The following KHDRBS2 variants were observed in gnomAD, a reference collection of about 807,000 sequenced individuals.
The protein encoded by KHDRBS2 is KH RNA binding domain containing, signal transduction associated 2.
Under a neutral mutation model 44.3 loss-of-function variants are expected in KHDRBS2, and 26 were observed. That is an observed-to-expected ratio of 0.59 (90% confidence interval 0.43 to 0.81). The LOEUF (loss-of-function observed/expected upper bound fraction) is 0.81. Among genes scored for constraint, KHDRBS2 ranks in the 40% least tolerant of loss-of-function variants. KHDRBS2 has a pLI of 0.00. For missense variants in KHDRBS2, 476 were observed against 433.1 expected (o/e 1.10, Z -0.88); for synonymous variants, 194 against 151.1 (o/e 1.28, Z -2.08).
intron 6 of KHDRBS2, among the ~76,000 whole-genome samples, chr6:61,779,818 A>G (rs1049145104): frequency 6.6e-6 from 1 of 152,162 alleles, no homozygotes; most frequent in Non-Finnish European, 1.5e-5. Flanking sequence ...CATTGATAAA[A>G]TAAGGCATAA....
chr6:61,545,012 A>G, the KHDRBS2 span, among the ~76,000 whole-genome samples: 2 of 152,052 alleles, frequency 1.3e-5, no homozygotes, highest in East Asian at 1.9e-4. Context: ...GCACACCAAC[A>G]TGGCACATGT....
chr6:62,121,887 C>T (rs1238355867), intron 2 of KHDRBS2, among the ~76,000 whole-genome samples: 1 of 152,026 alleles, frequency 6.6e-6, no homozygotes, highest in Non-Finnish European at 1.5e-5. Flanking sequence ...TTCTAGGGGT[C>T]CAGTGATGAG....
intron 2 of KHDRBS2, among the ~76,000 whole-genome samples, chr6:62,096,553 G>T (rs1800645238): frequency 6.6e-6 from 1 of 151,716 alleles, no homozygotes; most frequent in African/African-American, 2.4e-5. Flanking sequence ...TATTTCTAAG[G>T]TGTCAGTTTT....
intron 6 of KHDRBS2, among the ~76,000 whole-genome samples, chr6:61,774,929 A>G (rs1171366245): frequency 6.6e-6 from 1 of 152,132 alleles, no homozygotes; most frequent in African/African-American, 2.4e-5. Context: ...AGCACATCAA[A>G]AGGCTCATCC....
intron 6 of KHDRBS2, among the ~76,000 whole-genome samples, chr6:61,800,163 C>A (rs780808568): frequency 6.6e-6 from 1 of 152,054 alleles, no homozygotes. Flanking sequence ...AGCTAAGAAT[C>A]ATAGTTCTTG....
At chr6:61,674,369 C>T in the KHDRBS2 span, among the ~76,000 whole-genome samples, 1 of 151,710 alleles carries the variant, frequency 6.6e-6, no homozygotes, top group Non-Finnish European at 1.5e-5. Flanking sequence ...TTAGAAAACT[C>T]CACAGTATTT....
chr6:61,944,961 C>T (rs1812895887), intron 4 of KHDRBS2, among the ~76,000 whole-genome samples: 1 of 150,798 alleles, frequency 6.6e-6, no homozygotes, highest in Admixed American at 6.6e-5. Flanking sequence ...TGTGGTGACA[C>T]TTGCCTGTAA....
the KHDRBS2 span, among the ~76,000 whole-genome samples, chr6:61,640,331 A>G: frequency 3.9e-5 from 6 of 152,124 alleles, no homozygotes; most frequent in African/African-American, 1.4e-4. Context: ...TACATAAAGT[A>G]AAATGCCGTA....
At chr6:61,933,316 G>A (rs551135211) in intron 4 of KHDRBS2, among the ~76,000 whole-genome samples, 2 of 152,206 alleles carry the variant, frequency 1.3e-5, no homozygotes, top group Non-Finnish European at 2.9e-5. Flanking sequence ...CCAACACTGA[G>A]GATTACAATT....
chr6:61,559,589 A>G, the KHDRBS2 span, among the ~76,000 whole-genome samples: 1 of 151,980 alleles, frequency 6.6e-6, no homozygotes, highest in Non-Finnish European at 1.5e-5. Flanking sequence ...ATGTTTTTTC[A>G]TTTGAAGTAA....
intron 6 of KHDRBS2, among the ~76,000 whole-genome samples, chr6:61,877,842 C>G (rs1449689778): frequency 6.6e-6 from 1 of 151,636 alleles, no homozygotes; most frequent in Non-Finnish European, 1.5e-5. Flanking sequence ...TATTATTTTT[C>G]TTTTCTAAAT....
At chr6:62,153,820 C>G (rs1430789751) in intron 2 of KHDRBS2, among the ~76,000 whole-genome samples, 3 of 152,112 alleles carry the variant, frequency 2.0e-5, no homozygotes, top group Non-Finnish European at 2.9e-5. Flanking sequence ...TTCTTTGGCT[C>G]CCCTCAAAAC....
chr6:61,778,966 C>G (rs1782517214), intron 6 of KHDRBS2, among the ~76,000 whole-genome samples: 1 of 152,154 alleles, frequency 6.6e-6, no homozygotes, highest in South Asian at 2.1e-4. Flanking sequence ...GCATCAGACC[C>G]ATTTCCACAC....
At chr6:62,180,988 T>G (rs1392468725) in intron 1 of KHDRBS2, among the ~76,000 whole-genome samples, 1 of 147,538 alleles carries the variant, frequency 6.8e-6, no homozygotes, top group Non-Finnish European at 1.5e-5. Context: ...GATGTCCACA[T>G]GCACAACAAT....
intron 6 of KHDRBS2, among the ~76,000 whole-genome samples, chr6:61,767,427 C>A (rs1404010469): frequency 6.6e-6 from 1 of 151,930 alleles, no homozygotes; most frequent in African/African-American, 2.4e-5. Flanking sequence ...CACTCTATGT[C>A]TTTTGATTAG....
intron 7 of KHDRBS2, among the ~76,000 whole-genome samples, chr6:61,709,466 A>G (rs2127549867): frequency 6.6e-6 from 1 of 151,704 alleles, no homozygotes; most frequent in Middle Eastern, 3.4e-3. Flanking sequence ...TCATACCTCA[A>G]ATAAGAAGGA....
At chr6:62,097,477 T>C (rs1462621500) in intron 2 of KHDRBS2, among the ~76,000 whole-genome samples, 1 of 152,104 alleles carries the variant, frequency 6.6e-6, no homozygotes, top group East Asian at 1.9e-4. Flanking sequence ...TTTATCTTTG[T>C]AGAATGACCT....
intron 1 of KHDRBS2, among the ~76,000 whole-genome samples, chr6:62,260,088 C>A (rs1001486020): frequency 4.6e-5 from 7 of 151,904 alleles, no homozygotes; most frequent in African/African-American, 1.4e-4. Flanking sequence ...CCAAGCTGAG[C>A]TGGGACACTC....
intron 2 of KHDRBS2, among the ~76,000 whole-genome samples, chr6:62,123,607 G>A (rs1455632052): frequency 6.6e-6 from 1 of 152,186 alleles, no homozygotes; most frequent in Non-Finnish European, 1.5e-5. Flanking sequence ...ATATTGAGAT[G>A]CATAATTTTT....
Sources: gnomAD v4.1 joint callset for allele counts (sites outside exome capture counted in the v4.1 genomes callset) on GRCh38, gnomAD v4.1.1 for gene constraint, MANE v1.5 for transcripts, NCBI Gene and HGNC (gene_info 2026-07-23, HGNC 2026-07-21) for gene names.